The following HUWE1 variants were observed in gnomAD, a reference collection of about 807,000 sequenced individuals.
HUWE1 encodes the protein HECT, UBA and WWE domain containing E3 ubiquitin protein ligase 1, also known as E3 ubiquitin-protein ligase HUWE1.
HUWE1 carries 18 observed loss-of-function variants against 299.4 expected under a neutral mutation model. The ratio of observed to expected loss-of-function variants is 0.06; its 90% confidence interval spans 0.04 to 0.09. HUWE1 has a LOEUF of 0.09. HUWE1 is among the 10% of genes least tolerant of loss of function. HUWE1 has a pLI of 1.00. For synonymous variants in HUWE1, 1,317 were observed against 1,286.1 expected, an observed-to-expected ratio of 1.02 and a Z score of -0.51; for missense variants, 1,832 against 3,462.3, an observed-to-expected ratio of 0.53 and a Z score of 11.82.
chrX:53,589,433 A>G (rs1206357076), intron 36 of HUWE1, 114 bp downstream of exon 36: 35 of 687,042 alleles, frequency 5.1e-5, no homozygotes, highest in Non-Finnish European at 8.2e-5. Context: ...CCAAATAGAG[A>G]ATATACCCAT....
Position 53,580,896 on chromosome X carries a change from A to G in HUWE1, c.5651T>C (p.Ile1884Thr). The G allele has an allele frequency of 8.3e-7, 1 of 1,211,540 alleles. No homozygotes were observed. Among genetic ancestry groups the G allele is most frequent in the Non-Finnish European group, 1.1e-6 (1 of 895,393 alleles). The change falls in exon 43 of 84, where the codon ATA (isoleucine) becomes ACA (threonine). Residue 1884 changes from isoleucine (I) to threonine (T), a missense_variant. Ile to Thr is a moderately conservative substitution (Grantham distance 89). This residue lies in a region of HUWE1 where 47 missense variants were observed against 45.8 expected (regional missense o/e 1.03). Coordinates refer to ENST00000262854, the MANE Select transcript of HUWE1 (RefSeq NM_031407.7). ...ACAGCAGTTGGCCACTTCTGTGAAT[A>G]TGTCTGGATTGCGGCATGCGGCTGG... ...LGPAACRNPD[I>T]FTEVANCCIR...
intron 19 of HUWE1, among the ~76,000 whole-genome samples, chrX:53,618,082 G>T (rs192729819): frequency 9.0e-6 from 1 of 111,689 alleles, no homozygotes; most frequent in African/African-American, 3.2e-5. Flanking sequence ...TGGAACATGG[G>T]AAAAACTCTA....
intron 78 of HUWE1, 87 bp downstream of exon 78, chrX:53,537,469 T>C: frequency 1.9e-6 from 2 of 1,027,082 alleles, no homozygotes; most frequent in South Asian, 3.9e-5. Context: ...AGCACCTCCC[T>C]AAATTTGAGG....
At chrX:53,611,287 T>G (rs1557001961) in intron 23 of HUWE1, among the ~76,000 whole-genome samples, 1 of 108,625 alleles carries the variant, frequency 9.2e-6, no homozygotes, top group Non-Finnish European at 1.9e-5. Flanking sequence ...CACTATACAA[T>G]TATCACATAA....
intron 60 of HUWE1, 38 bp downstream of exon 60, chrX:53,557,344 A>G (rs1556935985): frequency 2.6e-6 from 3 of 1,162,476 alleles, no homozygotes; most frequent in African/African-American, 1.8e-5. Context: ...GAAGCAACCA[A>G]TTGATTAGTA....
intron 50 of HUWE1, among the ~76,000 whole-genome samples, 158 bp downstream of exon 50, chrX:53,564,909 A>G (rs782451728): frequency 1.2e-4 from 14 of 112,546 alleles, no homozygotes; most frequent in Non-Finnish European, 2.4e-4. Context: ...CTGCATTTTG[A>G]AGGAATTCTT....
Position 53,568,816 on chromosome X carries a change from T to C in HUWE1, c.6583A>G (p.Ser2195Gly). 8.3e-7 allele frequency: 1 copy of C among 1,209,068 alleles called. No homozygotes were observed. The highest frequency in any genetic ancestry group is 1.1e-6 in the Non-Finnish European group (1 of 893,933). ...TIMESCPSTS[S>G]FYSSATAKTQ... ...TTCGCTGTGGCACTGCTGTAGAAGC[T>C]GGAGGTGGAGGGGCAGGACTCCATG... Residue 2195 changes from serine (S) to glycine (G), a missense_variant, in exon 49 of 84, where the codon AGC (serine) becomes GGC (glycine). Coordinates refer to ENST00000262854, the MANE Select transcript of HUWE1 (RefSeq NM_031407.7).
At chrX:53,671,913 A>G (rs1236006542) in intron 3 of HUWE1, among the ~76,000 whole-genome samples, 1 of 111,324 alleles carries the variant, frequency 9.0e-6, no homozygotes, top group Non-Finnish European at 1.9e-5. Context: ...TGGAGAAAAC[A>G]GCTTGAAAAA....
chrX:53,578,579 A>G (rs1376755734), intron 43 of HUWE1, among the ~76,000 whole-genome samples: 414 of 20,473 alleles, frequency 0.02, no homozygotes, highest in Non-Finnish European at 0.025. Flanking sequence ...GGGAGGGGGG[A>G]GGGGGGGTCA....
In HUWE1 at chrX:53,549,230, G is replaced by A. The variant is rs1556926307; in HGVS notation, c.9764C>T (p.Ser3255Leu). The A allele has an allele frequency of 9.1e-6, 11 of 1,211,910 alleles. No individual in the cohort carries two copies. Among genetic ancestry groups the A allele is most frequent in the Middle Eastern group, 4.6e-4 (2 of 4,353 alleles). The change falls in exon 67 of 84, where the codon TCG becomes TTG. Residue 3255 changes from serine to leucine, a missense_variant. Ser to Leu is a moderately radical substitution (Grantham distance 145). This residue lies in a region of HUWE1 where 80 missense variants were observed against 142.1 expected (regional missense o/e 0.56). Transcript: ENST00000262854. ...LTTSEEKGKK[S>L]SKSCGSSSHE... ...GCTACTTGACCCACAGCTCTTGCTC[G>A]ACTTTTTGCCCTTTTCCTCACTTGT...
In HUWE1 at chrX:53,686,573, G is replaced by A. The variant is rs2070433100; in HGVS notation, c.-262+15C>T. ...CGTACAGAGCTCGCCCTCCAGCCCA[G>A]GGATAGACGCTCACCTCGGCCGCAA... On this transcript the variant is annotated intron_variant, in intron 1 of 83. Coordinates refer to ENST00000262854, the MANE Select transcript of HUWE1 (RefSeq NM_031407.7). The A allele has an allele frequency of 8.8e-6, 1 of 113,231 alleles. No homozygotes were observed. The highest frequency in any genetic ancestry group is 9.3e-5 in the Admixed American group (1 of 10,761). The allele number at this position is 113,231 out of a possible 1,213,427, so 9.3% of individuals were successfully genotyped here.
At chrX:53,658,044 C>A (rs1324544944) in intron 3 of HUWE1, among the ~76,000 whole-genome samples, 1 of 320 alleles carries the variant, frequency 3.1e-3, no homozygotes, top group African/African-American at 4.0e-3. Context: ...AGCAAGACTC[C>A]GTCTCAAAAA....
chrX:53,648,909 C>T (rs1371538353), intron 4 of HUWE1, among the ~76,000 whole-genome samples: 5 of 112,073 alleles, frequency 4.5e-5, no homozygotes, highest in African/African-American at 1.6e-4. Flanking sequence ...CTCTCTTCTA[C>T]TGATGAATGG....
intron 43 of HUWE1, among the ~76,000 whole-genome samples, chrX:53,578,387 C>T (rs1602784432): frequency 1.0e-5 from 1 of 99,678 alleles, no homozygotes; most frequent in Non-Finnish European, 2.1e-5. Context: ...GGCCAGCCGC[C>T]CCGTCCGGGA....
intron 3 of HUWE1, among the ~76,000 whole-genome samples, chrX:53,678,939 G>T (rs2069978044): frequency 9.0e-6 from 1 of 111,730 alleles, no homozygotes; most frequent in Non-Finnish European, 1.9e-5. Context: ...TATCAAATCA[G>T]ACTTTGCCAC....
rs1556943936 is a variant in HUWE1 at position 53,564,603 on chromosome X, G to A, written c.7000C>T (p.Pro2334Ser). The change falls in exon 51 of 84, where the codon CCT becomes TCT. Residue 2334 changes from proline to serine, a missense_variant. This residue lies in a region of HUWE1 where 170 missense variants were observed against 335.8 expected (regional missense o/e 0.51). Coordinates refer to ENST00000262854, the MANE Select transcript of HUWE1 (RefSeq NM_031407.7). ...ATCTCTTGTGAACTGAGCACCTCAG[G>A]CTGCCCAGCAATCACCACTGAGTCG... ...ETDSVVIAGQPEVLSSQEMQV... is the reference protein window; with the variant it reads ...ETDSVVIAGQSEVLSSQEMQV... 1.7e-6 allele frequency: 2 copies of A among 1,211,052 alleles called. No homozygotes were observed. The highest frequency in any genetic ancestry group is 3.5e-5 in the South Asian group (2 of 56,928).
intron 80 of HUWE1, 147 bp downstream of exon 80, chrX:53,536,000 C>A: frequency 2.9e-6 from 1 of 350,747 alleles, no homozygotes; most frequent in Non-Finnish European, 5.3e-6. Flanking sequence ...TTTGTGATGT[C>A]ACTCACAAAC....
chrX:53,537,525 C>T, intron 78 of HUWE1, 31 bp downstream of exon 78: 1 of 1,206,542 alleles, frequency 8.3e-7, no homozygotes, highest in Non-Finnish European at 1.1e-6. Flanking sequence ...ACCTCCCACC[C>T]GCCATCTTTT....
chrX:53,611,159 C>T (rs782243972), intron 23 of HUWE1, among the ~76,000 whole-genome samples: 189 of 99,428 alleles, frequency 1.9e-3, no homozygotes, highest in Non-Finnish European at 2.8e-3. Context: ...AATACAAACA[C>T]CATTTGCAAA....
Sources: allele counts gnomAD v4.1 joint callset (sites outside exome capture counted in the v4.1 genomes callset), GRCh38; gene constraint gnomAD v4.1.1; regional missense constraint gnomAD v4.1.1; transcripts MANE v1.5; gene names NCBI Gene and HGNC (gene_info 2026-07-23, HGNC 2026-07-21).